The following PALLD variants were observed in gnomAD, a reference collection of about 807,000 sequenced individuals.
PALLD encodes the protein palladin, cytoskeletal associated protein.
In PALLD, 61 loss-of-function variants were observed where a neutral mutation model predicts 123.5. The observed-to-expected ratio is 0.49, with a 90% CI of 0.40 to 0.61. The LOEUF (loss-of-function observed/expected upper bound fraction) is 0.61, where lower values mean the gene tolerates loss of function less well. Ranked by LOEUF, PALLD falls within the 20% of genes least tolerant of loss-of-function variation. The pLI, the probability that PALLD is intolerant of heterozygous loss-of-function variation, is 0.00. For missense variants in PALLD, 1,273 were observed against 1,377.0 expected, an observed-to-expected ratio of 0.92 and a Z score of 1.20; for synonymous variants, 465 against 496.4, an observed-to-expected ratio of 0.94 and a Z score of 0.84.
intron 2 of PALLD, among the ~76,000 whole-genome samples, chr4:168,605,473 C>G (rs78582393): frequency 0.015 from 2,238 of 152,260 alleles, 16 homozygotes; most frequent in Non-Finnish European, 0.024. Context: ...AATGCCCCCA[C>G]CAATGACTGC....
At chr4:168,671,678 T>C (rs1780296374) in intron 3 of PALLD, among the ~76,000 whole-genome samples, 1 of 152,228 alleles carries the variant, frequency 6.6e-6, no homozygotes, top group Admixed American at 6.5e-5. Context: ...AGAACAGTTA[T>C]GTGAAGTGGG....
At chr4:168,832,581 G>C (rs918953192) in intron 10 of PALLD, among the ~76,000 whole-genome samples, 2 of 152,176 alleles carry the variant, frequency 1.3e-5, no homozygotes, top group African/African-American at 2.4e-5. Flanking sequence ...CAGAGAAAGC[G>C]GGGCTGGCAG....
At chr4:168,741,535 AAGT>A (rs1411207611) in intron 10 of PALLD, among the ~76,000 whole-genome samples, 1 of 151,866 alleles carries the variant, frequency 6.6e-6, no homozygotes, top group Non-Finnish European at 1.5e-5. Context: ...AAAAAAATAA[AAGT>A]AGCCGGCATG....
In PALLD at chr4:168,691,288, A is replaced by T; in HGVS notation, c.1497A>T (p.Glu499Asp). ...ILQKKPRSTA[E>D]PEEICTLVIA... ...AAACAGAACCTAGATCTACAGCTGA[A>T]CCTGGTAAGAATATTTTTAGGGTTT... Residue 499 changes from glutamate (E) to aspartate (D), a missense_variant, in exon 8 of 22, where the codon GAA (glutamate) becomes GAT (aspartate). By Grantham distance (45) the Glu-to-Asp change is conservative (BLOSUM62 2). This residue lies in a region of PALLD where 944 missense variants were observed against 954.5 expected (regional missense o/e 0.99). Transcript: ENST00000505667. 6.2e-7 allele frequency: 1 copy of T among 1,608,660 alleles called. No homozygotes were observed. The highest frequency in any genetic ancestry group is 1.7e-5 in the Admixed American group (1 of 59,834).
At position 168,928,326 on chromosome 4, in the gene PALLD, TAAAA is replaced by T. The variant is rs398064261; in HGVS notation, c.*2153_*2156del. On this transcript the variant is annotated 3_prime_UTR_variant, in exon 22 of 22. Transcript: ENST00000505667. ...TTTTGCCACCTTTATATTGTATTTA[TAAAA>T]AAAAAAGTACTATCAATCAATCATA... is the stretch of plus-strand genomic sequence containing the variant. 7.7e-4 allele frequency: 139 copies of T among 179,542 alleles called. 1 individual carries two copies. Among genetic ancestry groups the T allele is most frequent in the African/African-American group, 3.2e-3 (133 of 42,052 alleles). 11.1% of individuals were successfully genotyped at this position (179,542 alleles called of 1,614,324 possible).
At chr4:168,629,994 G>A (rs972796413) in intron 2 of PALLD, among the ~76,000 whole-genome samples, 4 of 152,190 alleles carry the variant, frequency 2.6e-5, no homozygotes, top group Non-Finnish European at 5.9e-5. Context: ...CAGGTTTAGC[G>A]AAAGTAGTTG....
chr4:168,882,402 CA>C (rs998693155), intron 10 of PALLD, among the ~76,000 whole-genome samples: 1 of 152,122 alleles, frequency 6.6e-6, no homozygotes, highest in African/African-American at 2.4e-5. Flanking sequence ...GTAGAAGCAG[CA>C]AATCAGAATC....
At chr4:168,556,562 A>T (rs1767326761) in intron 2 of PALLD, among the ~76,000 whole-genome samples, 1 of 152,292 alleles carries the variant, frequency 6.6e-6, no homozygotes, top group South Asian at 2.1e-4. Flanking sequence ...AATGTGTGCA[A>T]ATCAACCTCT....
intron 2 of PALLD, among the ~76,000 whole-genome samples, chr4:168,666,976 A>G (rs980687484): frequency 2.0e-5 from 3 of 152,096 alleles, no homozygotes; most frequent in Non-Finnish European, 4.4e-5. Flanking sequence ...CCAAAATAAT[A>G]TGGTTTGCAT....
Position 168,668,338 on chromosome 4 carries a change from G to A in PALLD, c.1057G>A (p.Asp353Asn). Reference sequence around the variant, plus strand: ...TTTGGCTACGAATCCCAGCGGCTCAGACACAACATCTGCTGAGGTGTTCAT... The same window carrying A: ...TTTGGCTACGAATCCCAGCGGCTCAAACACAACATCTGCTGAGGTGTTCAT... ...TCLATNPSGS[D>N]TTSAEVFIEG... The change falls in exon 3 of 22, where the codon GAC becomes AAC. Residue 353 changes from aspartate (D) to asparagine (N), a missense_variant. Physicochemically the swap from Asp to Asn is conservative, Grantham distance 23. Around this residue, in one of 2 missense-constraint regions of PALLD, gnomAD observed 944 missense variants for 954.5 expected, o/e 0.99. Coordinates refer to ENST00000505667, the MANE Select transcript of PALLD (RefSeq NM_001166108.2). 6.2e-7 allele frequency: 1 copy of A among 1,612,160 alleles called. No individual in the cohort carries two copies.
intron 8 of PALLD, among the ~76,000 whole-genome samples, chr4:168,694,693 T>C (rs974750083): frequency 8.5e-5 from 13 of 152,220 alleles, no homozygotes; most frequent in African/African-American, 3.1e-4. Context: ...TGTCTCCAAA[T>C]GGATCTGTGC....
intron 8 of PALLD, among the ~76,000 whole-genome samples, chr4:168,704,588 C>T (rs1463745531): frequency 6.7e-6 from 1 of 148,822 alleles, no homozygotes; most frequent in South Asian, 2.1e-4. Context: ...GGCATGAACC[C>T]GGGAGGCGGA....
chr4:168,924,949 C>T lies in PALLD; in HGVS notation c.3229C>T (p.His1077Tyr), dbSNP rs778210310. 52 of 1,613,972 alleles carry T rather than the reference C, an allele frequency of 3.2e-5. No homozygotes were observed. Among genetic ancestry groups the T allele is most frequent in the Non-Finnish European group, 4.4e-5 (52 of 1,179,978 alleles). The change falls in exon 20 of 22, where the codon CAC (histidine) becomes TAC (tyrosine). Residue 1077 changes from histidine to tyrosine, a missense_variant. By Grantham distance (83) the His-to-Tyr change is moderately conservative (BLOSUM62 2). Coordinates refer to ENST00000505667, the MANE Select transcript of PALLD (RefSeq NM_001166108.2). ...TGACTTTATCCTTTTCTCCAGCATG[C>T]ACCAGGACAACCACGGCTACATCTG... ...LTHSTDRVSM[H>Y]QDNHGYICLL... is the part of the protein sequence containing the mutation.
chr4:168,808,913 A>G (rs1191917221), intron 10 of PALLD, among the ~76,000 whole-genome samples: 1 of 152,220 alleles, frequency 6.6e-6, no homozygotes, highest in East Asian at 1.9e-4. Flanking sequence ...TTGGGTGGGG[A>G]CACAGCCAAA....
intron 2 of PALLD, among the ~76,000 whole-genome samples, chr4:168,594,057 T>C (rs2149699499): frequency 6.6e-6 from 1 of 152,288 alleles, no homozygotes; most frequent in South Asian, 2.1e-4. Context: ...AACTCTTGTA[T>C]TTGTCAGTCA....
At chr4:168,534,699 A>AT (rs1448485215) in intron 2 of PALLD, among the ~76,000 whole-genome samples, 1 of 152,142 alleles carries the variant, frequency 6.6e-6, no homozygotes, top group African/African-American at 2.4e-5. Flanking sequence ...CTAATCATTT[A>AT]TTACCTTCAT....
At chr4:168,635,843 G>A (rs573909468) in intron 2 of PALLD, among the ~76,000 whole-genome samples, 94 of 152,286 alleles carry the variant, frequency 6.2e-4, no homozygotes, top group African/African-American at 1.9e-3. Context: ...AACATGTGGA[G>A]ACCAAATTAG....
intron 8 of PALLD, among the ~76,000 whole-genome samples, chr4:168,702,729 C>A (rs557595130): frequency 6.6e-6 from 1 of 152,010 alleles, no homozygotes; most frequent in African/African-American, 2.4e-5. Flanking sequence ...CAGTACTGAT[C>A]TTGTATGTCC....
intron 2 of PALLD, among the ~76,000 whole-genome samples, chr4:168,520,069 G>A (rs563987427): frequency 4.6e-5 from 7 of 152,030 alleles, no homozygotes; most frequent in African/African-American, 1.7e-4. Flanking sequence ...GCTCATGCCT[G>A]TAATCCCAGC....
Sources: gnomAD v4.1 joint callset for allele counts (sites outside exome capture counted in the v4.1 genomes callset) on GRCh38, gnomAD v4.1.1 for gene constraint, gnomAD v4.1.1 regional missense constraint, MANE v1.5 for transcripts, NCBI Gene and HGNC (gene_info 2026-07-23, HGNC 2026-07-21) for gene names.